The following ALDH3B2 variants were observed in gnomAD, a reference collection of about 807,000 sequenced individuals.
ALDH3B2 encodes the protein aldehyde dehydrogenase family 3 member B2.
ALDH3B2 carries 45 observed loss-of-function variants against 36.7 expected under a neutral mutation model. That is an observed-to-expected ratio of 1.23 (90% confidence interval 0.97 to 1.57). ALDH3B2 has a LOEUF of 1.57. Among genes scored for constraint, ALDH3B2 ranks in the 40% most tolerant of loss-of-function variants. ALDH3B2 has a pLI of 0.00. For missense variants in ALDH3B2, 464 were observed against 513.3 expected (o/e 0.90, Z 0.93); for synonymous variants, 217 against 226.5 (o/e 0.96, Z 0.38).
At chr11:67,665,237 A>G in intron 7 of ALDH3B2, 48 bp downstream of exon 7, 1 of 1,546,672 alleles carries the variant, frequency 6.5e-7, no homozygotes, top group South Asian at 1.3e-5. Flanking sequence ...CCCTCCATTG[A>G]GAAAGGGTCT....
Position 67,672,944 on chromosome 11 carries a change from T to C in ALDH3B2, c.-245+1493A>G, listed in dbSNP as rs1484568400. 8.1e-5 allele frequency among the ~76,000 whole-genome samples: 12 copies of C among 148,694 alleles called. No homozygotes were observed. The South Asian group carries it at 1.3e-3, about 16-fold the overall frequency. Reference sequence around the variant, plus strand: ...TTTTCTTTTCTTTTCTTTTTTTTTTTTTTTGAGACGGAGTCTCACTCTGTT... The same window carrying C: ...TTTTCTTTTCTTTTCTTTTTTTTTTCTTTTGAGACGGAGTCTCACTCTGTT... On this transcript the variant is annotated intron_variant, in intron 1 of 9. Transcript: ENST00000349015.
At chr11:67,664,324 C>A in intron 8 of ALDH3B2, 72 bp downstream of exon 8, 1 of 1,602,058 alleles carries the variant, frequency 6.2e-7, no homozygotes, top group Non-Finnish European at 8.5e-7. Context: ...CTGGGAAGGG[C>A]TGTGAAAGGA....
chr11:67,664,337 G>T (rs765079789), intron 8 of ALDH3B2, 59 bp downstream of exon 8: 11 of 1,608,330 alleles, frequency 6.8e-6, no homozygotes, highest in Non-Finnish European at 9.3e-6. Flanking sequence ...TGAAAGGAAA[G>T]GTGCCAGTCT....
chr11:67,663,067 G>A (rs912431418), exon 10 of ALDH3B2: 6 of 1,007,582 alleles, frequency 6.0e-6, no homozygotes, highest in African/African-American at 1.6e-5. Context: ...TTGCAGCCCT[G>A]GCAGGCAGGA....
At chr11:67,664,061 C>A (rs113980888) in intron 8 of ALDH3B2, among the ~76,000 whole-genome samples, 2 of 152,268 alleles carry the variant, frequency 1.3e-5, no homozygotes, top group East Asian at 1.9e-4. Context: ...CGGGCCCCAC[C>A]GCGACCCGCT....
At chr11:67,665,912 A>G (rs888884915) in intron 6 of ALDH3B2, among the ~76,000 whole-genome samples, 1 of 151,976 alleles carries the variant, frequency 6.6e-6, no homozygotes, top group Non-Finnish European at 1.5e-5. Flanking sequence ...TGGCTCACCC[A>G]CTGGGACCTG....
exon 7 of ALDH3B2, chr11:67,665,526 G>A (rs760425605): frequency 1.9e-6 from 3 of 1,613,990 alleles, no homozygotes; most frequent in African/African-American, 2.7e-5. Flanking sequence ...CATTGAAGTA[G>A]CAGAACCAGG....
At chr11:67,663,467 C>A in intron 9 of ALDH3B2, 68 bp from the exon 10 acceptor site, 3 of 1,546,208 alleles carry the variant, frequency 1.9e-6, no homozygotes, top group Non-Finnish European at 2.6e-6. Context: ...CAGCCCACTG[C>A]CCCGGCCAGG....
At chr11:67,672,132 G>A (rs55955461) in intron 1 of ALDH3B2, among the ~76,000 whole-genome samples, 85,178 of 96,462 alleles carry the variant, frequency 0.88, 38,579 homozygotes, top group South Asian at 0.98. Flanking sequence ...GTGTGTGTGT[G>A]TGTATATATA....
chr11:67,666,467 C>A (rs1565247251), intron 4 of ALDH3B2, 66 bp from the exon 5 acceptor site: 2 of 1,604,118 alleles, frequency 1.2e-6, no homozygotes, highest in Non-Finnish European at 1.7e-6. Context: ...AGGGGCTGGG[C>A]TCAGAGGGCA....
exon 10 of ALDH3B2, chr11:67,663,159 C>G: frequency 1.3e-6 from 2 of 1,530,394 alleles, no homozygotes; most frequent in Non-Finnish European, 1.8e-6. Context: ...GAGCATAAGC[C>G]CCTCATGGCT....
intron 1 of ALDH3B2, among the ~76,000 whole-genome samples, chr11:67,673,043 G>T (rs556564503): frequency 6.6e-6 from 1 of 150,614 alleles, no homozygotes; most frequent in South Asian, 2.1e-4. Flanking sequence ...TCATTCTCCT[G>T]CCTCAGCCTC....
Position 67,666,564 on chromosome 11 carries a change from C to A in ALDH3B2, c.151+10G>T, listed in dbSNP as rs1240417494. ...CGGGGAGAGCATGGGGTTCGGAACG[C>A]CCTCCTCACCTGCGGCGAGGGCGCC... On this transcript the variant is annotated intron_variant, in intron 4 of 9. Transcript: ENST00000349015. 17 of 1,613,856 alleles carry A rather than the reference C, an allele frequency of 1.1e-5. No individual in the cohort carries two copies. Among genetic ancestry groups the A allele is most frequent in the Non-Finnish European group, 1.3e-5 (15 of 1,179,820 alleles).
exon 10 of ALDH3B2, chr11:67,663,382 G>A (rs777931713): frequency 1.4e-5 from 22 of 1,612,318 alleles, no homozygotes; most frequent in Admixed American, 5.0e-5. Flanking sequence ...CCGTGGTACC[G>A]GCCCATCCCA....
intron 7 of ALDH3B2, 38 bp from the exon 8 acceptor site, chr11:67,664,600 G>A: frequency 3.1e-6 from 5 of 1,608,044 alleles, no homozygotes; most frequent in Non-Finnish European, 4.2e-6. Context: ...TGGGGCCACA[G>A]TCAGGACTGC....
At position 67,664,215 on chromosome 11, in the gene ALDH3B2, G is replaced by A. The variant is rs946015803; in HGVS notation, c.873+181C>T. The stretch of plus-strand genomic sequence containing the variant: ...ACCCGCTAAGTGTCTGGTGGGTTTG[G>A]ACCCTGTCCTCTCTGCCAGGCATCC... On this transcript the variant is annotated intron_variant, in intron 8 of 9. Coordinates refer to ENST00000349015, the Ensembl canonical transcript of ALDH3B2. 4.1e-6 allele frequency: 4 copies of A among 983,338 alleles called. No individual in the cohort carries two copies. In the African/African-American group the frequency reaches 6.5e-5, roughly 16 times the overall value. 60.9% of individuals were successfully genotyped at this position (983,338 alleles called of 1,614,324 possible). A position where few individuals can be genotyped will look rare whatever the true frequency, so the allele number is the denominator to read the frequency against.
At chr11:67,663,153 A>G in exon 10 of ALDH3B2, 1 of 1,522,978 alleles carries the variant, frequency 6.6e-7, no homozygotes, top group Non-Finnish European at 8.9e-7. Context: ...AGTTGGGAGC[A>G]TAAGCCCCTC....
At chr11:67,679,883 T>G (rs1856339210) in intron 1 of ALDH3B2, among the ~76,000 whole-genome samples, 1 of 152,182 alleles carries the variant, frequency 6.6e-6, no homozygotes, top group South Asian at 2.1e-4. Flanking sequence ...AATTTCTCTC[T>G]GGTACAAAAG....
intron 1 of ALDH3B2, among the ~76,000 whole-genome samples, chr11:67,668,294 G>A (rs1439758756): frequency 3.9e-5 from 6 of 152,200 alleles, no homozygotes; most frequent in Admixed American, 3.9e-4. Flanking sequence ...GGGCACAGGT[G>A]CAGGTGGGGG....
Sources: gnomAD v4.1 joint callset for allele counts (sites outside exome capture counted in the v4.1 genomes callset) on GRCh38, gnomAD v4.1.1 for gene constraint, MANE v1.5 for transcripts, NCBI Gene and HGNC (gene_info 2026-07-23, HGNC 2026-07-21) for gene names.